Variants in KATNIP observed in about 807,000 individuals in gnomAD.
KATNIP encodes the protein katanin interacting protein.
KATNIP carries 126 observed loss-of-function variants against 174.0 expected under a neutral mutation model. That is an observed-to-expected ratio of 0.72 (90% CI 0.63 to 0.84). The LOEUF is 0.84. Ranked by LOEUF, KATNIP falls within the 40% of genes least tolerant of loss-of-function variation. The probability of loss-of-function intolerance (pLI) is 0.00; values close to 1 mark genes in which losing one functional copy is unlikely to be tolerated. For synonymous variants in KATNIP, 810 were observed against 835.7 expected (o/e 0.97, Z 0.53); for missense variants, 1,958 against 2,109.7 (o/e 0.93, Z 1.41).
At chr16:27,715,976 T>A (rs1251637047) in intron 13 of KATNIP, among the ~76,000 whole-genome samples, 14 of 143,790 alleles carry the variant, frequency 9.7e-5, no homozygotes, top group East Asian at 4.0e-4. Context: ...TACATTTATT[T>A]AAAAAAAAAA....
intron 2 of KATNIP, among the ~76,000 whole-genome samples, chr16:27,580,837 C>T (rs1303803397): frequency 6.6e-6 from 1 of 151,682 alleles, no homozygotes; most frequent in Admixed American, 6.6e-5. Context: ...TTACTCGAAA[C>T]ATTTAAGGCC....
chr16:27,702,341 AG>A (rs1370949495), intron 11 of KATNIP, among the ~76,000 whole-genome samples: 1 of 152,218 alleles, frequency 6.6e-6, no homozygotes, highest in African/African-American at 2.4e-5. Flanking sequence ...CTCTATTAAA[AG>A]TTTGTTCAAA....
At chr16:27,602,354 C>T (rs1316062826) in intron 2 of KATNIP, among the ~76,000 whole-genome samples, 2 of 152,216 alleles carry the variant, frequency 1.3e-5, no homozygotes, top group Non-Finnish European at 2.9e-5. Flanking sequence ...CAAGGCCTGG[C>T]AGCCTCAGGG....
At chr16:27,765,414 T>G (rs764582045) in intron 19 of KATNIP, among the ~76,000 whole-genome samples, 4 of 151,968 alleles carry the variant, frequency 2.6e-5, no homozygotes, top group Non-Finnish European at 4.4e-5. Context: ...AAGCTCAGAG[T>G]GCCAGCTGGG....
intron 6 of KATNIP, among the ~76,000 whole-genome samples, chr16:27,659,620 G>T (rs1484144212): frequency 6.6e-6 from 1 of 151,988 alleles, no homozygotes; most frequent in Non-Finnish European, 1.5e-5. Flanking sequence ...ATCCTATTTG[G>T]TTTTTCTAAG....
intron 21 of KATNIP, among the ~76,000 whole-genome samples, chr16:27,770,246 T>C (rs2082253847): frequency 6.6e-6 from 1 of 152,254 alleles, no homozygotes; most frequent in Non-Finnish European, 1.5e-5. Flanking sequence ...GTGCTGAAGA[T>C]TTTAAATGCT....
At chr16:27,681,750 G>T (rs988837496) in intron 8 of KATNIP, among the ~76,000 whole-genome samples, 1 of 152,248 alleles carries the variant, frequency 6.6e-6, no homozygotes, top group African/African-American at 2.4e-5. Flanking sequence ...TCATGCAGTT[G>T]TGGAGGAGCG....
At position 27,761,478 on chromosome 16, in the gene KATNIP, G is replaced by A. The variant is rs375796751; in HGVS notation, c.3697G>A (p.Val1233Met). The change falls in exon 19 of 28, where the codon GTG (valine) becomes ATG (methionine). Residue 1233 changes from valine to methionine, a missense_variant. Transcript: ENST00000261588. ...LHYLGLTGLE[V>M]VGKEGQALPI... Reference sequence around the variant, plus strand: ...CTACCTGGGGCTCACTGGCCTGGAAGTGGTGGGCAAGGAGGGCCAGGCGCT... The same window carrying A: ...CTACCTGGGGCTCACTGGCCTGGAAATGGTGGGCAAGGAGGGCCAGGCGCT... 3.0e-5 allele frequency: 48 copies of A among 1,614,046 alleles called. No individual in the cohort carries two copies. Among genetic ancestry groups the A allele is most frequent in the Non-Finnish European group, 3.9e-5 (46 of 1,180,032 alleles).
intron 5 of KATNIP, among the ~76,000 whole-genome samples, chr16:27,643,983 C>A (rs1369045617): frequency 6.7e-6 from 1 of 150,116 alleles, no homozygotes; most frequent in African/African-American, 2.4e-5. Context: ...TTTTCTAGGG[C>A]CAATTCCTCC....
chr16:27,652,948 A>G (rs2077161599), intron 6 of KATNIP, among the ~76,000 whole-genome samples: 1 of 152,164 alleles, frequency 6.6e-6, no homozygotes, highest in Non-Finnish European at 1.5e-5. Context: ...ACCATAAGCG[A>G]TGATTATGCC....
intron 24 of KATNIP, 86 bp downstream of exon 24, chr16:27,775,170 T>C: frequency 6.7e-7 from 1 of 1,481,760 alleles, no homozygotes; most frequent in Non-Finnish European, 9.1e-7. Context: ...GACACGTCTT[T>C]CTTCCAGGTC....
chr16:27,581,281 G>A (rs1453649472), intron 2 of KATNIP, among the ~76,000 whole-genome samples: 2 of 152,208 alleles, frequency 1.3e-5, no homozygotes, highest in African/African-American at 4.8e-5. Flanking sequence ...AGACATCCCT[G>A]TGCACATAGG....
At chr16:27,561,006 T>A (rs2089858365) in intron 1 of KATNIP, among the ~76,000 whole-genome samples, 1 of 151,870 alleles carries the variant, frequency 6.6e-6, no homozygotes, top group South Asian at 2.1e-4. Flanking sequence ...GCATCCTTTT[T>A]GTCTTTTTTT....
intron 1 of KATNIP, among the ~76,000 whole-genome samples, chr16:27,567,758 C>T (rs2090144154): frequency 6.6e-6 from 1 of 152,148 alleles, no homozygotes; most frequent in African/African-American, 2.4e-5. Flanking sequence ...GAACTCTTGA[C>T]CTCAGGTAAT....
chr16:27,771,628 G>A lies in KATNIP; in HGVS notation c.4174G>A (p.Glu1392Lys), dbSNP rs1268221206. Reference protein sequence around the residue: ...RSLECASMDYEAPLMPCGFIF... With the variant: ...RSLECASMDYKAPLMPCGFIF... ...CCTGGAGTGTGCAAGCATGGACTAC[G>A]AGGCACCGCTGATGCCCTGTGGCTG... The change falls in exon 22 of 28, where the codon GAG (glutamate) becomes AAG (lysine). Residue 1392 changes from glutamate to lysine, a missense_variant. Transcript: ENST00000261588. 2.5e-6 allele frequency: 4 copies of A among 1,613,512 alleles called. No individual in the cohort carries two copies. Among genetic ancestry groups the A allele is most frequent in the East Asian group, 2.2e-5 (1 of 44,880 alleles).
chr16:27,596,738 A>G (rs779093564), intron 2 of KATNIP, among the ~76,000 whole-genome samples: 6 of 152,192 alleles, frequency 3.9e-5, no homozygotes, highest in Non-Finnish European at 5.9e-5. Context: ...AAAAATAAAA[A>G]TAGGCCAGGC....
At chr16:27,774,398 A>G (rs554789400) in intron 23 of KATNIP, among the ~76,000 whole-genome samples, 111 of 152,254 alleles carry the variant, frequency 7.3e-4, no homozygotes, top group Middle Eastern at 6.8e-3. Context: ...TACAGATGGG[A>G]AAACAGGCCC....
chr16:27,676,229 T>C lies in KATNIP; in HGVS notation c.541-1500T>C, dbSNP rs187972220. 5.9e-5 allele frequency among the ~76,000 whole-genome samples: 9 copies of C among 152,328 alleles called. No homozygotes were observed. In the East Asian group the frequency reaches 1.4e-3, roughly 23 times the overall value. ...TGAGTTAAATATCCAAGTTCATGTC[T>C]TACATATTCTGCTTTCCACAGCACT... On this transcript the variant is annotated intron_variant, in intron 6 of 27. Coordinates refer to ENST00000261588, the MANE Select transcript of KATNIP (RefSeq NM_015202.5).
At chr16:27,598,089 C>T (rs919044716) in intron 2 of KATNIP, among the ~76,000 whole-genome samples, 6 of 152,030 alleles carry the variant, frequency 3.9e-5, no homozygotes, top group Non-Finnish European at 8.8e-5. Flanking sequence ...GTTAGCTGGG[C>T]GTGGTGGCGT....
Sources: gnomAD v4.1 joint callset for allele counts (sites outside exome capture counted in the v4.1 genomes callset) on GRCh38, gnomAD v4.1.1 for gene constraint, MANE v1.5 for transcripts, NCBI Gene and HGNC (gene_info 2026-07-23, HGNC 2026-07-21) for gene names.